Variants in SIRPB2 observed in about 807,000 individuals in gnomAD.
The protein encoded by SIRPB2 is signal-regulatory protein beta-2.
Under a neutral mutation model 27.1 loss-of-function variants are expected in SIRPB2, and 18 were observed. The observed-to-expected ratio is 0.66, with a 90% CI of 0.46 to 0.98. SIRPB2 has a LOEUF of 0.98. SIRPB2 is among the 50% of genes least tolerant of loss of function. SIRPB2 has a pLI of 0.00. For synonymous variants in SIRPB2, 150 were observed against 164.6 expected (o/e 0.91, Z 0.68); for missense variants, 420 against 417.4 (o/e 1.01, Z -0.06).
chr20:1,476,533 G>T, intron 4 of SIRPB2, 197 bp from the exon 5 acceptor site: 2 of 367,672 alleles, frequency 5.4e-6, no homozygotes, highest in Non-Finnish European at 7.5e-6. Context: ...CCAATATTCT[G>T]CCTGCATCTG....
At chr20:1,484,415 C>T (rs111417894) in intron 1 of SIRPB2, among the ~76,000 whole-genome samples, 10 of 152,240 alleles carry the variant, frequency 6.6e-5, no homozygotes, top group African/African-American at 2.4e-4. Flanking sequence ...GAGACAAACT[C>T]TTGAATGAGA....
chr20:1,475,899 C>CA lies in SIRPB2; in HGVS notation c.*267dup. The CA allele has an allele frequency of 2.6e-6, 1 of 386,048 alleles. No individual in the cohort carries two copies. The highest frequency in any genetic ancestry group is 3.1e-5 in the South Asian group (1 of 31,810). The allele number at this position is 386,048 out of a possible 1,614,324, so 23.9% of individuals were successfully genotyped here. A position where few individuals can be genotyped will look rare whatever the true frequency, so the allele number is the denominator to read the frequency against. ...CAGGGCGCACCAGAAAGGGCTGCAG[C>CA]AGGGGCAAGGGTGTTGAGGAGAGAC... is the stretch of plus-strand genomic sequence containing the variant. On this transcript the variant is annotated 3_prime_UTR_variant, in exon 5 of 5. Transcript: ENST00000359801.
intron 1 of SIRPB2, among the ~76,000 whole-genome samples, chr20:1,483,629 G>GT (rs1451668776): frequency 6.6e-6 from 1 of 152,056 alleles, no homozygotes; most frequent in Non-Finnish European, 1.5e-5. Context: ...CTGTTGAATT[G>GT]TTTGAGTTCC....
At chr20:1,482,518 CCTTCCTTTCTTT>C (rs988327621) in intron 1 of SIRPB2, among the ~76,000 whole-genome samples, 9 of 151,682 alleles carry the variant, frequency 5.9e-5, no homozygotes, top group African/African-American at 1.7e-4. Flanking sequence ...TTCCCTCCTT[CCTTCCTTTCTTT>C]CTTCCTTTCT....
At chr20:1,485,271 A>C (rs1015034218) in intron 1 of SIRPB2, among the ~76,000 whole-genome samples, 2 of 152,208 alleles carry the variant, frequency 1.3e-5, no homozygotes, top group Non-Finnish European at 2.9e-5. Context: ...ATAAATGAAA[A>C]ATACATGAGG....
Position 1,477,347 on chromosome 20 carries a change from A to G in SIRPB2, c.850T>C (p.Ser284Pro). The G allele has an allele frequency of 1.9e-6, 3 of 1,614,190 alleles. No homozygotes were observed. The highest frequency in any genetic ancestry group is 2.5e-6 in the Non-Finnish European group (3 of 1,180,022). ...AGGTGGGTACGCTCACCTGTTGGAG[A>G]CATCTCAGTTGCAGGTTCACTGGTG... ...EFTSEPATEM[S>P]PTGLLVVFAP... The change falls in exon 4 of 5, where the codon TCT becomes CCT. Residue 284 changes from serine (S) to proline (P), a missense_variant. By Grantham distance (74) the Ser-to-Pro change is moderately conservative. Transcript: ENST00000359801.
At chr20:1,488,522 C>T (rs1476956941) in intron 1 of SIRPB2, among the ~76,000 whole-genome samples, 1 of 151,988 alleles carries the variant, frequency 6.6e-6, no homozygotes, top group East Asian at 1.9e-4. Context: ...GTGATGTGCG[C>T]TTGTAGTCAC....
At chr20:1,477,970 G>A (rs2090623087) in intron 3 of SIRPB2, 1 of 529,846 alleles carries the variant, frequency 1.9e-6, no homozygotes, top group East Asian at 4.9e-5. Flanking sequence ...TACGGTGCCT[G>A]GCCAATGTTT....
chr20:1,471,613 A>G (rs2090581360), downstream of SIRPB2, among the ~76,000 whole-genome samples: 1 of 152,216 alleles, frequency 6.6e-6, no homozygotes, highest in Non-Finnish European at 1.5e-5. Context: ...TTCTCAGGCC[A>G]ATGACATGTA....
At chr20:1,485,716 A>G (rs1218913844) in intron 1 of SIRPB2, among the ~76,000 whole-genome samples, 6 of 151,946 alleles carry the variant, frequency 3.9e-5, no homozygotes, top group African/African-American at 1.4e-4. Context: ...GAAGATCACT[A>G]AAACTGATAA....
At chr20:1,477,081 G>C in intron 4 of SIRPB2, 1 of 1,447,832 alleles carries the variant, frequency 6.9e-7, no homozygotes, top group African/African-American at 1.4e-5. Flanking sequence ...AGAATCACAG[G>C]GAGCTCACCA....
Position 1,475,976 on chromosome 20 carries a change from G to A in SIRPB2, c.*191C>T. The A allele has an allele frequency of 1.7e-6, 1 of 604,514 alleles. No individual in the cohort carries two copies. The highest frequency in any genetic ancestry group is 3.0e-5 in the East Asian group (1 of 33,162). 37.4% of individuals were successfully genotyped at this position (604,514 alleles called of 1,614,324 possible). A position where few individuals can be genotyped will look rare whatever the true frequency, so the allele number is the denominator to read the frequency against. On this transcript the variant is annotated 3_prime_UTR_variant, in exon 5 of 5. Coordinates refer to ENST00000359801, the MANE Select transcript of SIRPB2 (RefSeq NM_001122962.2). ...GTCTTGAACAGGCCAAAAAGAGAAA[G>A]GGAGACATTTTAGAGGGAAGCCCGG...
At chr20:1,489,781 G>A (rs1360333824) in intron 1 of SIRPB2, among the ~76,000 whole-genome samples, 2 of 148,902 alleles carry the variant, frequency 1.3e-5, no homozygotes, top group African/African-American at 2.6e-5. Flanking sequence ...TATTTTTCTC[G>A]GGGCTGCTGT....
At chr20:1,478,086 G>T in intron 3 of SIRPB2, 180 bp downstream of exon 3, 1 of 712,622 alleles carries the variant, frequency 1.4e-6, no homozygotes, top group Non-Finnish European at 2.5e-6. Flanking sequence ...GGCCATTTGT[G>T]CTGGGCCTTG....
At chr20:1,485,219 C>T (rs1373521373) in intron 1 of SIRPB2, among the ~76,000 whole-genome samples, 19 of 152,026 alleles carry the variant, frequency 1.2e-4, no homozygotes, top group Admixed American at 1.2e-3. Flanking sequence ...TTGTAGATTT[C>T]AAAATAGCTT....
At chr20:1,484,869 A>C (rs550542509) in intron 1 of SIRPB2, among the ~76,000 whole-genome samples, 33 of 152,204 alleles carry the variant, frequency 2.2e-4, no homozygotes, top group African/African-American at 7.5e-4. Context: ...ACCCAGCAAT[A>C]CCACTACTGG....
rs777709159 is a variant in SIRPB2 at position 1,491,236 on chromosome 20, GC to G, written c.85+38del. Reference sequence around the variant, plus strand: ...TTAGTGCCCCTCTAGGGACTGACCAGCCGGGGGTGGACCCTGTTCTATCCTA... The same window carrying G: ...TTAGTGCCCCTCTAGGGACTGACCAGCGGGGGTGGACCCTGTTCTATCCTA... On this transcript the variant is annotated intron_variant, in intron 1 of 4. Transcript: ENST00000359801. The G allele has an allele frequency of 1.8e-5, 28 of 1,575,458 alleles. No individual in the cohort carries two copies. In the South Asian group the frequency reaches 2.6e-4, roughly 15 times the overall value.
chr20:1,479,951 G>C lies in SIRPB2; in HGVS notation c.200C>G (p.Thr67Ser). ...LLRCMVVGSC[T>S]DGMIKWVKVS... ...CTTCACCCATTTTATCATACCATCA[G>C]TGCAGGAGCCGACCACCATACACCT... Residue 67 changes from threonine to serine, a missense_variant, in exon 2 of 5, where the codon ACT becomes AGT. Coordinates refer to ENST00000359801, the MANE Select transcript of SIRPB2 (RefSeq NM_001122962.2). The C allele has an allele frequency of 1.2e-6, 2 of 1,614,178 alleles. No individual in the cohort carries two copies. Among genetic ancestry groups the C allele is most frequent in the Non-Finnish European group, 1.7e-6 (2 of 1,180,040 alleles).
At chr20:1,481,867 C>T (rs143886967) in intron 1 of SIRPB2, among the ~76,000 whole-genome samples, 5 of 152,138 alleles carry the variant, frequency 3.3e-5, no homozygotes, top group Admixed American at 6.5e-5. Flanking sequence ...TTTCCCTGGC[C>T]TCAGGGAGTT....
Sources: gnomAD v4.1 joint callset for allele counts (sites outside exome capture counted in the v4.1 genomes callset) on GRCh38, gnomAD v4.1.1 for gene constraint, MANE v1.5 for transcripts, NCBI Gene and HGNC (gene_info 2026-07-23, HGNC 2026-07-21) for gene names.